ASB4: variants seen among roughly 807,000 people sequenced by gnomAD.
The protein encoded by ASB4 is ankyrin repeat and SOCS box containing 4.
ASB4 carries 35 observed loss-of-function variants against 38.6 expected under a neutral mutation model. The ratio of observed to expected loss-of-function variants is 0.91; its 90% CI spans 0.69 to 1.20. The LOEUF is 1.20. Among genes scored for constraint, ASB4 ranks in the 50% most tolerant of loss-of-function variants. The pLI is 0.00. For missense variants in ASB4, 557 were observed against 527.2 expected (o/e 1.06, Z -0.55); for synonymous variants, 195 against 201.3 (o/e 0.97, Z 0.26).
At chr7:95,500,458 C>A (rs371840691) in intron 2 of ASB4, among the ~76,000 whole-genome samples, 1 of 148,598 alleles carries the variant, frequency 6.7e-6, no homozygotes, top group East Asian at 2.0e-4. Flanking sequence ...CCTAGCTACT[C>A]GAAAGGCTGA....
upstream of ASB4, among the ~76,000 whole-genome samples, chr7:95,485,438 A>T (rs1790075325): frequency 6.6e-6 from 1 of 151,926 alleles, no homozygotes; most frequent in South Asian, 2.1e-4. Context: ...GTCACTTGAA[A>T]ACCTCCTGTT....
At chr7:95,473,909 T>G (rs1789949646), upstream of ASB4, 1 of 152,214 alleles carries the variant, frequency 6.6e-6, no homozygotes, top group Non-Finnish European at 1.5e-5. Context: ...AGAAGGGGGA[T>G]GGAAAGAAGG....
At chr7:95,488,890 A>G (rs1790132169) in intron 1 of ASB4, among the ~76,000 whole-genome samples, 1 of 152,244 alleles carries the variant, frequency 6.6e-6, no homozygotes, top group Non-Finnish European at 1.5e-5. Context: ...TAAGAAAGAC[A>G]ATGCACAAAA....
chr7:95,517,712 G>T (rs888559966), intron 2 of ASB4, among the ~76,000 whole-genome samples: 2 of 152,144 alleles, frequency 1.3e-5, no homozygotes, highest in Admixed American at 6.5e-5. Flanking sequence ...GGCCACTAGT[G>T]ATCTTCGTCT....
At chr7:95,502,393 G>T (rs891008768) in intron 2 of ASB4, among the ~76,000 whole-genome samples, 2 of 96,814 alleles carry the variant, frequency 2.1e-5, no homozygotes, top group African/African-American at 3.2e-5. Context: ...CCAGCCTGCG[G>T]GGGGGGGGCA....
At chr7:95,525,072 A>T (rs1344438819) in intron 2 of ASB4, among the ~76,000 whole-genome samples, 2 of 152,222 alleles carry the variant, frequency 1.3e-5, no homozygotes, top group African/African-American at 2.4e-5. Flanking sequence ...CAACACAGAG[A>T]CACAGAGAAA....
At chr7:95,481,933 G>A (rs1017258538), upstream of ASB4, among the ~76,000 whole-genome samples, 6 of 152,184 alleles carry the variant, frequency 3.9e-5, no homozygotes, top group Non-Finnish European at 4.4e-5. Context: ...TTTCTGACAG[G>A]CCTGACTAGA....
At chr7:95,491,151 A>G (rs1217940272) in intron 1 of ASB4, among the ~76,000 whole-genome samples, 1 of 152,234 alleles carries the variant, frequency 6.6e-6, no homozygotes, top group Non-Finnish European at 1.5e-5. Flanking sequence ...TGAAGGTGAA[A>G]CTATGTAAAC....
chr7:95,479,092 G>A (rs866926743), intron 1 of ASB4, among the ~76,000 whole-genome samples: 7 of 152,274 alleles, frequency 4.6e-5, no homozygotes, highest in Middle Eastern at 6.8e-3. Flanking sequence ...CCATAAGGGA[G>A]AAAAAAGCCC....
intron 2 of ASB4, among the ~76,000 whole-genome samples, chr7:95,499,852 C>G (rs1035009695): frequency 6.9e-6 from 1 of 145,854 alleles, no homozygotes; most frequent in African/African-American, 2.5e-5. Context: ...CCAGAGACTA[C>G]GGGATACATC....
At chr7:95,542,440 CTTT>C (rs2116667167), downstream of ASB4, 1 of 151,634 alleles carries the variant, frequency 6.6e-6, no homozygotes, top group African/African-American at 2.4e-5. Flanking sequence ...TTGTTTGTTT[CTTT>C]GTTTTGAGAC....
intron 2 of ASB4, among the ~76,000 whole-genome samples, chr7:95,511,971 A>G (rs184388461): frequency 6.6e-6 from 1 of 152,276 alleles, no homozygotes; most frequent in South Asian, 2.1e-4. Context: ...TTTTTGCCTT[A>G]TTCTGTGGAT....
At chr7:95,511,154 G>A (rs1261711404) in intron 2 of ASB4, among the ~76,000 whole-genome samples, 1 of 152,146 alleles carries the variant, frequency 6.6e-6, no homozygotes, top group Non-Finnish European at 1.5e-5. Context: ...GCACATGCCA[G>A]CTTCTTGAAG....
At chr7:95,508,083 G>T (rs1341821658) in intron 2 of ASB4, among the ~76,000 whole-genome samples, 1 of 152,110 alleles carries the variant, frequency 6.6e-6, no homozygotes, top group Non-Finnish European at 1.5e-5. Context: ...GATTTTAGAT[G>T]ATAGAAACCT....
chr7:95,470,748 T>C, the ASB4 span, among the ~76,000 whole-genome samples: 1 of 152,072 alleles, frequency 6.6e-6, no homozygotes, highest in African/African-American at 2.4e-5. Flanking sequence ...CTCTGGCTGG[T>C]TTCATAATAG....
intron 3 of ASB4, among the ~76,000 whole-genome samples, chr7:95,533,164 C>A (rs1790841403): frequency 6.6e-6 from 1 of 152,168 alleles, no homozygotes; most frequent in Non-Finnish European, 1.5e-5. Flanking sequence ...CAGTAATAAA[C>A]TCTGTCTGCC....
intron 2 of ASB4, among the ~76,000 whole-genome samples, chr7:95,500,526 G>C (rs1790319665): frequency 7.9e-6 from 1 of 126,062 alleles, no homozygotes; most frequent in African/African-American, 3.0e-5. Context: ...GCTATTATTG[G>C]ACCACTGCAC....
intron 1 of ASB4, among the ~76,000 whole-genome samples, chr7:95,493,647 C>T (rs1585796966): frequency 6.6e-6 from 1 of 152,052 alleles, no homozygotes; most frequent in African/African-American, 2.4e-5. Flanking sequence ...TGGTATGTTA[C>T]CTCCTTGTAA....
the ASB4 span, among the ~76,000 whole-genome samples, chr7:95,547,261 C>T: frequency 3.9e-5 from 6 of 152,136 alleles, no homozygotes; most frequent in African/African-American, 1.4e-4. Context: ...TTTATTACCC[C>T]AGAATATCTT....
Sources: allele counts gnomAD v4.1 joint callset (sites outside exome capture counted in the v4.1 genomes callset), GRCh38; gene constraint gnomAD v4.1.1; transcripts MANE v1.5; gene names NCBI Gene and HGNC (gene_info 2026-07-23, HGNC 2026-07-21).